UBA2: variants seen among roughly 807,000 people sequenced by gnomAD.
The protein encoded by UBA2 is ubiquitin like modifier activating enzyme 2, also known as SUMO-activating enzyme subunit 2.
UBA2 carries 11 observed loss-of-function variants against 77.2 expected under a neutral mutation model. The observed-to-expected ratio is 0.14, with a 90% CI of 0.09 to 0.24. The LOEUF (loss-of-function observed/expected upper bound fraction) is 0.24. Ranked by LOEUF, UBA2 falls within the 10% of genes least tolerant of loss-of-function variation. The pLI is 1.00. For synonymous variants in UBA2, 278 were observed against 276.7 expected, an observed-to-expected ratio of 1.00 and a Z score of -0.05; for missense variants, 487 against 781.7, an observed-to-expected ratio of 0.62 and a Z score of 4.50.
At position 34,466,842 on chromosome 19, in the gene UBA2, A is replaced by C. The variant is rs113892117; in HGVS notation, c.1605-36A>C. 1.8e-5 allele frequency: 28 copies of C among 1,597,028 alleles called. No individual in the cohort carries two copies. The African/African-American group carries it at 2.1e-4, about 12-fold the overall frequency. ...TCTCTGGTGCTCCTTTGCTTTCTAA[A>C]TAGTCATAGCAGTGACCTGTGTGAT... On this transcript the variant is annotated intron_variant, in intron 15 of 16. Coordinates refer to ENST00000246548, the MANE Select transcript of UBA2 (RefSeq NM_005499.3).
At position 34,464,015 on chromosome 19, in the gene UBA2, A is replaced by C; in HGVS notation, c.1499-11A>C. 1 of 1,585,516 alleles carries C rather than the reference A, an allele frequency of 6.3e-7. No individual in the cohort carries two copies. The highest frequency in any genetic ancestry group is 8.7e-7 in the Non-Finnish European group (1 of 1,154,074). On this transcript the variant is annotated splice_polypyrimidine_tract_variant and intron_variant, in intron 14 of 16. Coordinates refer to ENST00000246548, the MANE Select transcript of UBA2 (RefSeq NM_005499.3). The stretch of plus-strand genomic sequence containing the variant: ...TGTAACTGAAGTATCTAAATTATTC[A>C]CGTTTCCTAGCTAATAATCACAAGA...
intron 8 of UBA2, among the ~76,000 whole-genome samples, chr19:34,448,047 C>T (rs1037149173): frequency 1.3e-5 from 2 of 152,152 alleles, no homozygotes; most frequent in Non-Finnish European, 2.9e-5. Context: ...CTTTCTAGGC[C>T]TTCTTAAGGA....
rs2075506147 is a variant in UBA2, at chr19:34,452,039, G to A, written c.930G>A (p.Gln310=). 11 of 1,609,154 alleles carry A rather than the reference G, an allele frequency of 6.8e-6. No individual in the cohort carries two copies. The East Asian group carries it at 2.2e-4, about 33-fold the overall frequency. ...QNEPQLGLKD[Q]QVLDVKSYAR... ...AACCCCAGTTAGGCCTGAAAGACCAGCAGGTTCTAGATGTAAAGAGCTATG... is the reference window on the plus strand; with the variant it reads ...AACCCCAGTTAGGCCTGAAAGACCAACAGGTTCTAGATGTAAAGAGCTATG... The change falls in exon 10 of 17, where the codon CAG becomes CAA. Residue 310 remains glutamine, a synonymous_variant. Coordinates refer to ENST00000246548, the MANE Select transcript of UBA2 (RefSeq NM_005499.3).
In UBA2 at chr19:34,435,078, G is replaced by A. The variant is rs922391536; in HGVS notation, c.459+110G>A. On this transcript the variant is annotated intron_variant, in intron 5 of 16. Coordinates refer to ENST00000246548, the MANE Select transcript of UBA2 (RefSeq NM_005499.3). ...AAATGAACAGGTGAACATCCAAAATGTAAGGACTTTTATGCTTATATAAAA... is the reference window on the plus strand; with the variant it reads ...AAATGAACAGGTGAACATCCAAAATATAAGGACTTTTATGCTTATATAAAA... 1.7e-5 allele frequency: 13 copies of A among 786,984 alleles called. No individual in the cohort carries two copies. In the Admixed American group the frequency reaches 2.3e-4, roughly 14 times the overall value. 48.8% of individuals were successfully genotyped at this position (786,984 alleles called of 1,614,324 possible). A position where few individuals can be genotyped will look rare whatever the true frequency, so the allele number is the denominator to read the frequency against.
chr19:34,435,753 C>T (rs2075301152), intron 5 of UBA2, among the ~76,000 whole-genome samples: 2 of 151,710 alleles, frequency 1.3e-5, no homozygotes, highest in South Asian at 2.1e-4. Flanking sequence ...TTGCTTGAAC[C>T]TCGGAGGTGG....
At chr19:34,436,511 C>G (rs545194838) in intron 5 of UBA2, among the ~76,000 whole-genome samples, 65 of 152,238 alleles carry the variant, frequency 4.3e-4, no homozygotes, top group South Asian at 8.3e-4. Flanking sequence ...GTTGGTCAGG[C>G]TGGTCTTCAA....
rs868662010 is a variant in UBA2 at position 34,459,445 on chromosome 19, G to A, written c.1401+521G>A. 2.0e-5 allele frequency among the ~76,000 whole-genome samples: 3 copies of A among 152,234 alleles called. No homozygotes were observed. In the South Asian group the frequency reaches 6.2e-4, roughly 32 times the overall value. On this transcript the variant is annotated intron_variant, in intron 13 of 16. Coordinates refer to ENST00000246548, the MANE Select transcript of UBA2 (RefSeq NM_005499.3). ...TTAGGGGGCTTTTGTTATTTCTGAG[G>A]TCTGAGTTGAGGCTAAGTGGTGGTA... is the stretch of plus-strand genomic sequence containing the variant.
At chr19:34,444,283 C>G (rs143621344) in intron 7 of UBA2, among the ~76,000 whole-genome samples, 2,068 of 152,012 alleles carry the variant, frequency 0.014, 45 homozygotes, top group African/African-American at 0.047. Context: ...GTCTCGAACT[C>G]TTGACCTGAG....
In UBA2 at chr19:34,430,798, A is replaced by G. The variant is rs2145485967; in HGVS notation, c.222+139A>G. ...CTGAGAGATTGTGAAGGATAAAGATATATCAAGTAAAGGACTAAAGATTAA... is the reference window on the plus strand; with the variant it reads ...CTGAGAGATTGTGAAGGATAAAGATGTATCAAGTAAAGGACTAAAGATTAA... On this transcript the variant is annotated intron_variant, in intron 2 of 16. Coordinates refer to ENST00000246548, the MANE Select transcript of UBA2 (RefSeq NM_005499.3). 6 of 632,932 alleles carry G rather than the reference A, an allele frequency of 9.5e-6. No homozygotes were observed. The South Asian group carries it at 1.2e-4, about 13-fold the overall frequency. 39.2% of individuals were successfully genotyped at this position (632,932 alleles called of 1,614,324 possible). A position where few individuals can be genotyped will look rare whatever the true frequency, so the allele number is the denominator to read the frequency against.
At position 34,464,117 on chromosome 19, in the gene UBA2, C is replaced by G; in HGVS notation, c.1590C>G (p.Ile530Met). ...DDFLQDYTLLINILHSEDLGK... is the reference protein window; with the variant it reads ...DDFLQDYTLLMNILHSEDLGK... ...TCCTCCAGGACTATACTTTATTGAT[C>G]AACATCCTTCATAGGTAAGAGCTAT... The change falls in exon 15 of 17, where the codon ATC (isoleucine) becomes ATG (methionine). Residue 530 changes from isoleucine to methionine, a missense_variant. By Grantham distance (10) the Ile-to-Met change is conservative (BLOSUM62 1). This residue lies in a region of UBA2 where 300 missense variants were observed against 454.3 expected (regional missense o/e 0.66). Transcript: ENST00000246548. The G allele has an allele frequency of 6.2e-7, 1 of 1,604,404 alleles. No homozygotes were observed. Among genetic ancestry groups the G allele is most frequent in the Non-Finnish European group, 8.5e-7 (1 of 1,171,268 alleles).
chr19:34,431,225 T>C (rs1031232460), intron 2 of UBA2, among the ~76,000 whole-genome samples: 1 of 150,212 alleles, frequency 6.7e-6, no homozygotes, highest in Admixed American at 6.7e-5. Context: ...TTACTTTACT[T>C]TTCCTATCAT....
chr19:34,455,666 C>T (rs1055234537), intron 12 of UBA2, among the ~76,000 whole-genome samples: 33 of 152,038 alleles, frequency 2.2e-4, no homozygotes, highest in East Asian at 3.9e-4. Flanking sequence ...TCTTTTGAGA[C>T]GGAGTCTAGC....
In UBA2 at chr19:34,436,623, A is replaced by G. The variant is rs533867444; in HGVS notation, c.459+1655A>G. Among the ~76,000 whole-genome samples, 223 of 152,276 alleles carry G rather than the reference A, an allele frequency of 1.5e-3. 3 individuals are homozygous for G. Among genetic ancestry groups the G allele is most frequent in the Admixed American group, 4.9e-3 (75 of 15,292 alleles). On this transcript the variant is annotated intron_variant, in intron 5 of 16. Coordinates refer to ENST00000246548, the MANE Select transcript of UBA2 (RefSeq NM_005499.3). ...ACATATCTCAGTTTTTAAAACCTCA[A>G]CACGGCTTCATTTGCTATTCAGATA... is the stretch of plus-strand genomic sequence containing the variant.
chr19:34,434,184 A>G (rs2075285641), intron 4 of UBA2, among the ~76,000 whole-genome samples: 1 of 152,296 alleles, frequency 6.6e-6, no homozygotes, highest in South Asian at 2.1e-4. Context: ...GTGTGATCAT[A>G]ACTCACTGAA....
At position 34,466,779 on chromosome 19, in the gene UBA2, G is replaced by A. The variant is rs1322667925; in HGVS notation, c.1605-99G>A. On this transcript the variant is annotated intron_variant, in intron 15 of 16. Coordinates refer to ENST00000246548, the MANE Select transcript of UBA2 (RefSeq NM_005499.3). Reference sequence around the variant, plus strand: ...AAAAAAATTAGAATCCACATATTTGGTGTATACATAGTGTATGCTTTGAGG... The same window carrying A: ...AAAAAAATTAGAATCCACATATTTGATGTATACATAGTGTATGCTTTGAGG... 4 of 919,822 alleles carry A rather than the reference G, an allele frequency of 4.3e-6. No homozygotes were observed. In the African/African-American group the frequency reaches 5.0e-5, roughly 11 times the overall value. 57.0% of individuals were successfully genotyped at this position (919,822 alleles called of 1,614,324 possible).
chr19:34,438,901 C>G, intron 6 of UBA2, 135 bp downstream of exon 6: 2 of 1,236,982 alleles, frequency 1.6e-6, no homozygotes, highest in South Asian at 1.5e-5. Flanking sequence ...AGCTTTCTTG[C>G]AGTATTTCTT....
Position 34,458,755 on chromosome 19 carries a change from T to C in UBA2, c.1246-14T>C, listed in dbSNP as rs377504211. ...GCACGTTTCCGATTTCTGCCTGTTATTTCTCCTCCAAAGATTTTTTTGAAT... is the reference window on the plus strand; with the variant it reads ...GCACGTTTCCGATTTCTGCCTGTTACTTCTCCTCCAAAGATTTTTTTGAAT... On this transcript the variant is annotated splice_polypyrimidine_tract_variant and intron_variant, in intron 12 of 16. Coordinates refer to ENST00000246548, the MANE Select transcript of UBA2 (RefSeq NM_005499.3). 3.7e-6 allele frequency: 6 copies of C among 1,605,606 alleles called. No homozygotes were observed. Among genetic ancestry groups the C allele is most frequent in the South Asian group, 2.2e-5 (2 of 89,364 alleles).
chr19:34,445,435 CTTTTTTTTTTTTT>C (rs67809236), intron 8 of UBA2, among the ~76,000 whole-genome samples: 2 of 73,110 alleles, frequency 2.7e-5, no homozygotes, highest in Non-Finnish European at 5.4e-5. Flanking sequence ...CTCATCTTCA[CTTTTTTTTTTTTT>C]TTTTTTTTGA....
chr19:34,460,313 A>C (rs1040298696), intron 13 of UBA2, among the ~76,000 whole-genome samples, 157 bp from the exon 14 acceptor site: 4 of 152,190 alleles, frequency 2.6e-5, no homozygotes, highest in Admixed American at 2.6e-4. Context: ...GTGAATCCCC[A>C]CGGCTTTCCT....
Sources: gnomAD v4.1 joint callset for allele counts (sites outside exome capture counted in the v4.1 genomes callset) on GRCh38, gnomAD v4.1.1 for gene constraint, gnomAD v4.1.1 regional missense constraint, MANE v1.5 for transcripts, NCBI Gene and HGNC (gene_info 2026-07-23, HGNC 2026-07-21) for gene names.